Variants in KALRN observed in about 807,000 individuals in gnomAD.
KALRN encodes kalirin.
In KALRN, 70 loss-of-function variants were observed where a neutral mutation model predicts 353.7. That is an observed-to-expected ratio of 0.20 (90% CI 0.16 to 0.24). The LOEUF (loss-of-function observed/expected upper bound fraction) is 0.24, where lower values mean the gene tolerates loss of function less well. Among genes scored for constraint, KALRN ranks in the 10% least tolerant of loss-of-function variants. KALRN has a pLI of 1.00. For synonymous variants in KALRN, 1,391 were observed against 1,434.8 expected (o/e 0.97, Z 0.69); for missense variants, 2,791 against 3,756.7 (o/e 0.74, Z 6.72).
At chr3:124,598,397 G>C (rs146206372) in intron 34 of KALRN, among the ~76,000 whole-genome samples, 1 of 152,306 alleles carries the variant, frequency 6.6e-6, no homozygotes, top group Non-Finnish European at 1.5e-5. Context: ...TTGATTGCCA[G>C]TGTGCTCTAA....
chr3:124,501,652 C>G (rs1332843610), intron 33 of KALRN, among the ~76,000 whole-genome samples: 2 of 152,158 alleles, frequency 1.3e-5, no homozygotes, highest in African/African-American at 4.8e-5. Context: ...TTCATCAGAA[C>G]TGACAATTTC....
chr3:124,483,670 C>A (rs187050994), intron 28 of KALRN, among the ~76,000 whole-genome samples: 1 of 152,106 alleles, frequency 6.6e-6, no homozygotes, highest in Admixed American at 6.5e-5. Context: ...TTTGTCAAGA[C>A]GATGAGGATT....
intron 1 of KALRN, among the ~76,000 whole-genome samples, chr3:124,209,492 CAAAAAAAAAA>C (rs5852396): frequency 1.4e-5 from 1 of 70,054 alleles, no homozygotes; most frequent in African/African-American, 6.0e-5. Flanking sequence ...CACTCTGTCT[CAAAAAAAAAA>C]AAAAAAAAAA....
rs554750198 is a variant in KALRN at position 124,494,238 on chromosome 3, G to C, written c.4832+1356G>C. On this transcript the variant is annotated intron_variant, in intron 32 of 59. Transcript: ENST00000682506. ...TGGGTGAGAAACCTTGGCATACTCT[G>C]CAGAGAATAACCAAGCAGTCTTTAA... 2.0e-5 allele frequency among the ~76,000 whole-genome samples: 3 copies of C among 152,314 alleles called. No homozygotes were observed. The East Asian group carries it at 5.8e-4, about 29-fold the overall frequency.
chr3:124,183,725 A>G (rs1400328571), intron 1 of KALRN, among the ~76,000 whole-genome samples: 3 of 152,164 alleles, frequency 2.0e-5, no homozygotes, highest in African/African-American at 7.2e-5. Context: ...CTCCAGAGCA[A>G]CCAAATAAAT....
rs1389202113 is a variant in KALRN at position 124,674,529 on chromosome 3, C to T, written c.7108C>T (p.Pro2370Ser). 6.2e-7 allele frequency: 1 copy of T among 1,613,698 alleles called. No homozygotes were observed. Among genetic ancestry groups the T allele is most frequent in the Non-Finnish European group, 8.5e-7 (1 of 1,179,928 alleles). ...GTACCAGCCTGCCAGCGACCATTCC[C>T]CCGCCGCCGAGGGCTGGGTCCCAGG... ...LVYQPASDHS[P>S]AAEGWVPGSI... The change falls in exon 49 of 60, where the codon CCC becomes TCC. Residue 2370 changes from proline (P) to serine (S), a missense_variant. Transcript: ENST00000682506.
At chr3:124,717,749 T>C (rs375903849) in intron 59 of KALRN, among the ~76,000 whole-genome samples, 24 of 152,200 alleles carry the variant, frequency 1.6e-4, no homozygotes, top group African/African-American at 5.8e-4. Flanking sequence ...AAGTCCAACT[T>C]ACCAGTCATT....
rs1553711475 is a variant in KALRN at position 124,649,834 on chromosome 3, G to GATAGATAT, written c.5665-971_5665-970insGATATATA. ...AGATAGATAGATAGATAGATAGATAGATATTATGGCTGGGTGCATTGGCTC... is the reference window on the plus strand; with the variant it reads ...AGATAGATAGATAGATAGATAGATAGATAGATATATATTATGGCTGGGTGCATTGGCTC... On this transcript the variant is annotated intron_variant, in intron 37 of 59. Transcript: ENST00000682506. 1.0e-4 allele frequency among the ~76,000 whole-genome samples: 15 copies of GATAGATAT among 150,324 alleles called. No individual in the cohort carries two copies. In the East Asian group the frequency reaches 1.6e-3, roughly 16 times the overall value.
At chr3:124,110,772 T>C (rs2062885280) in intron 1 of KALRN, among the ~76,000 whole-genome samples, 1 of 152,192 alleles carries the variant, frequency 6.6e-6, no homozygotes, top group Non-Finnish European at 1.5e-5. Flanking sequence ...TAACAGCTAG[T>C]TTATTCTAGG....
chr3:124,550,732 G>A (rs183704492), intron 33 of KALRN, among the ~76,000 whole-genome samples: 2 of 152,276 alleles, frequency 1.3e-5, no homozygotes, highest in Non-Finnish European at 2.9e-5. Flanking sequence ...GCTCACGCCT[G>A]TAATCCCAGC....
At chr3:124,161,856 A>G (rs1298435538) in intron 1 of KALRN, among the ~76,000 whole-genome samples, 1 of 152,222 alleles carries the variant, frequency 6.6e-6, no homozygotes, top group African/African-American at 2.4e-5. Context: ...GGAGTCTCCC[A>G]TAGGCTGAAG....
At chr3:124,673,109 A>G (rs1331275657) in intron 48 of KALRN, among the ~76,000 whole-genome samples, 1 of 152,140 alleles carries the variant, frequency 6.6e-6, no homozygotes, top group African/African-American at 2.4e-5. Context: ...ATCGGGCCAG[A>G]TGCGCTGGCT....
chr3:124,230,602 G>A (rs1483650697), intron 2 of KALRN, among the ~76,000 whole-genome samples: 1 of 152,146 alleles, frequency 6.6e-6, no homozygotes. Flanking sequence ...CAGGAATGAG[G>A]CAGGTAGAAA....
intron 34 of KALRN, among the ~76,000 whole-genome samples, chr3:124,623,371 G>GAT (rs2079514879): frequency 1.3e-5 from 1 of 75,992 alleles, no homozygotes; most frequent in South Asian, 3.2e-4. Context: ...GAACTAATAG[G>GAT]AGATATATAT....
At chr3:124,075,950 C>T (rs777765560) in intron 1 of KALRN, among the ~76,000 whole-genome samples, 44 of 152,116 alleles carry the variant, frequency 2.9e-4, no homozygotes, top group Non-Finnish European at 5.9e-4. Flanking sequence ...CAAGGACGGC[C>T]CAAGGTCGCC....
chr3:124,301,007 C>T (rs568750495), intron 6 of KALRN, among the ~76,000 whole-genome samples: 74 of 152,226 alleles, frequency 4.9e-4, no homozygotes, highest in Non-Finnish European at 9.6e-4. Flanking sequence ...GTGGATTTTC[C>T]CTGGTGAGTT....
intron 28 of KALRN, among the ~76,000 whole-genome samples, chr3:124,485,767 C>A (rs1000629441): frequency 2.6e-5 from 4 of 152,054 alleles, no homozygotes; most frequent in African/African-American, 9.7e-5. Context: ...GTAGTCCCAG[C>A]TACTTGGGAG....
At chr3:124,094,528 G>A in intron 1 of KALRN, 1 of 415,186 alleles carries the variant, frequency 2.4e-6, no homozygotes, top group Middle Eastern at 7.0e-4. Flanking sequence ...CAAGACCACT[G>A]CAAACCTCGC....
chr3:124,231,351 G>T (rs1480488158), intron 2 of KALRN, among the ~76,000 whole-genome samples: 1 of 152,214 alleles, frequency 6.6e-6, no homozygotes, highest in Admixed American at 6.5e-5. Flanking sequence ...GCCTTCTCAT[G>T]TGGGGTCCAT....
Sources: gnomAD v4.1 joint callset for allele counts (sites outside exome capture counted in the v4.1 genomes callset) on GRCh38, gnomAD v4.1.1 for gene constraint, MANE v1.5 for transcripts, NCBI Gene and HGNC (gene_info 2026-07-23, HGNC 2026-07-21) for gene names.